Variants in DNAAF9 observed in about 807,000 individuals in gnomAD.
The protein encoded by DNAAF9 is dynein axonemal assembly factor 9.
Under a neutral mutation model 167.0 loss-of-function variants are expected in DNAAF9, and 90 were observed. The ratio of observed to expected loss-of-function variants is 0.54; its 90% CI spans 0.45 to 0.64. The LOEUF is 0.64. DNAAF9 is among the 30% of genes least tolerant of loss of function. DNAAF9 has a pLI of 0.00. For missense variants in DNAAF9, 1,315 were observed against 1,442.2 expected, an observed-to-expected ratio of 0.91 and a Z score of 1.43; for synonymous variants, 491 against 508.8, an observed-to-expected ratio of 0.96 and a Z score of 0.47.
chr20:3,286,251 G>A (rs2068851663), intron 27 of DNAAF9, among the ~76,000 whole-genome samples: 1 of 152,224 alleles, frequency 6.6e-6, no homozygotes. Context: ...TCCTGGGGCT[G>A]TGATGGGACA....
At chr20:3,281,032 A>T (rs182485926) in intron 28 of DNAAF9, among the ~76,000 whole-genome samples, 59 of 150,348 alleles carry the variant, frequency 3.9e-4, no homozygotes, top group African/African-American at 1.3e-3. Flanking sequence ...TATTAAAAAA[A>T]TTTTTTTTTT....
At chr20:3,262,700 A>C (rs116892018) in intron 31 of DNAAF9, among the ~76,000 whole-genome samples, 9,622 of 152,204 alleles carry the variant, frequency 0.063, 392 homozygotes, top group Non-Finnish European at 0.083. Context: ...TGATTACAGG[A>C]GCCTCATGAC....
rs2068179689 is a variant in DNAAF9, at chr20:3,250,489, G to A, written c.*2083C>T. 6.6e-6 allele frequency: 1 copy of A among 152,186 alleles called. No homozygotes were observed. Among genetic ancestry groups the A allele is most frequent in the Non-Finnish European group, 1.5e-5 (1 of 68,032 alleles). The allele number at this position is 152,186 out of a possible 1,614,324, so 9.4% of individuals were successfully genotyped here. A position where few individuals can be genotyped will look rare whatever the true frequency, so the allele number is the denominator to read the frequency against. On this transcript the variant is annotated 3_prime_UTR_variant, in exon 37 of 37. Coordinates refer to ENST00000252032, the MANE Select transcript of DNAAF9 (RefSeq NM_001009984.3). Reference sequence around the variant, plus strand: ...CTTTTTGGCTTTGATGCTTCTTCACGTTTTGACTTTTTTCAATCACAGTTT... The same window carrying A: ...CTTTTTGGCTTTGATGCTTCTTCACATTTTGACTTTTTTCAATCACAGTTT...
chr20:3,328,188 T>TTTTTTTTTTTTTTTTTTTG (rs1568607103), intron 12 of DNAAF9, among the ~76,000 whole-genome samples: 1 of 138,776 alleles, frequency 7.2e-6, no homozygotes, highest in Non-Finnish European at 1.6e-5. Flanking sequence ...GCTCTGTTTT[T>TTTTTTTTTTTTTTTTTTTG]TTTTTTTTTT....
chr20:3,301,946 A>G (rs2069196847), intron 21 of DNAAF9, among the ~76,000 whole-genome samples: 1 of 151,862 alleles, frequency 6.6e-6, no homozygotes, highest in Non-Finnish European at 1.5e-5. Flanking sequence ...TTATATATAT[A>G]TATGTATATA....
At chr20:3,323,884 C>T (rs991816632) in intron 14 of DNAAF9, among the ~76,000 whole-genome samples, 2 of 152,218 alleles carry the variant, frequency 1.3e-5, no homozygotes, top group African/African-American at 4.8e-5. Flanking sequence ...AGGTGGGTAG[C>T]TGAAGGAGCA....
chr20:3,332,899 T>TGGGG (rs1334362599), intron 10 of DNAAF9, among the ~76,000 whole-genome samples: 1 of 67,530 alleles, frequency 1.5e-5, no homozygotes, highest in African/African-American at 6.2e-5. Flanking sequence ...TGTGTGCGTG[T>TGGGG]GGTGTGTGTG....
chr20:3,368,283 A>T (rs1412238519), intron 6 of DNAAF9, among the ~76,000 whole-genome samples: 2 of 152,024 alleles, frequency 1.3e-5, no homozygotes, highest in Non-Finnish European at 2.9e-5. Context: ...GTGTCTGGAA[A>T]CTTTCTCAAA....
At chr20:3,265,576 G>GAA (rs1228259726) in intron 30 of DNAAF9, among the ~76,000 whole-genome samples, 352 of 33,736 alleles carry the variant, frequency 0.01, 4 homozygotes, top group Middle Eastern at 0.034. Context: ...CTCTGTCTCA[G>GAA]AAAAAAAAAA....
At chr20:3,395,080 G>C (rs1172319556) in intron 1 of DNAAF9, among the ~76,000 whole-genome samples, 1 of 142,724 alleles carries the variant, frequency 7.0e-6, no homozygotes, top group Non-Finnish European at 1.5e-5. Flanking sequence ...CCATTCTCCT[G>C]CCTCAGCCTC....
chr20:3,326,020 GCA>G (rs1421940877), intron 13 of DNAAF9, among the ~76,000 whole-genome samples, 175 bp downstream of exon 13: 1 of 152,148 alleles, frequency 6.6e-6, no homozygotes, highest in East Asian at 1.9e-4. Context: ...GACAACAGCA[GCA>G]CAGTCACAGG....
At chr20:3,353,137 G>GTA (rs559814933) in intron 7 of DNAAF9, among the ~76,000 whole-genome samples, 89 of 149,718 alleles carry the variant, frequency 5.9e-4, no homozygotes, top group African/African-American at 2.1e-3. Context: ...TAACATATGT[G>GTA]TATATATATG....
intron 30 of DNAAF9, among the ~76,000 whole-genome samples, chr20:3,268,921 T>TTTTTTTTTTTTTTTTTTTTTTA: frequency 7.8e-6 from 1 of 127,766 alleles, no homozygotes; most frequent in Non-Finnish European, 1.7e-5. Context: ...TTTTTTTTTT[T>TTTTTTTTTTTTTTTTTTTTTTA]GAGACAGAGG....
chr20:3,272,020 T>C (rs777669050), intron 29 of DNAAF9, among the ~76,000 whole-genome samples: 19 of 152,014 alleles, frequency 1.2e-4, no homozygotes, highest in Admixed American at 3.9e-4. Context: ...ACTCAGCTAA[T>C]CGTATTTCAT....
chr20:3,391,397 T>A (rs542435269), intron 1 of DNAAF9, among the ~76,000 whole-genome samples: 1 of 152,298 alleles, frequency 6.6e-6, no homozygotes, highest in African/African-American at 2.4e-5. Context: ...ACTGTTAATA[T>A]TTTGGCATAT....
chr20:3,321,317 C>A (rs940899278), intron 16 of DNAAF9, among the ~76,000 whole-genome samples: 2 of 152,186 alleles, frequency 1.3e-5, no homozygotes, highest in Admixed American at 6.5e-5. Flanking sequence ...GCCTACTATA[C>A]ACCTAGGCTA....
chr20:3,293,866 A>C (rs1225749929), intron 25 of DNAAF9, among the ~76,000 whole-genome samples: 1 of 152,104 alleles, frequency 6.6e-6, no homozygotes, highest in Non-Finnish European at 1.5e-5. Context: ...GTAGGAGTTT[A>C]AATGTTCTTG....
Position 3,298,073 on chromosome 20 carries a change from C to G in DNAAF9, c.1885G>C (p.Ala629Pro), listed in dbSNP as rs568926383. The change falls in exon 22 of 37, where the codon GCC becomes CCC. Residue 629 changes from alanine to proline, a missense_variant. By Grantham distance (27) the Ala-to-Pro change is conservative (BLOSUM62 -1). Coordinates refer to ENST00000252032, the MANE Select transcript of DNAAF9 (RefSeq NM_001009984.3). The part of the protein sequence containing the change: ...FHGSSNFLMI[A>P]LFPKSKIYQA... ...TATATCTTCGATTTGGGGAAAAGGG[C>G]AATCATCAGAAAATTGCTTGATCCA... The G allele has an allele frequency of 3.1e-6, 5 of 1,613,012 alleles. No individual in the cohort carries two copies. The highest frequency in any genetic ancestry group is 4.2e-6 in the Non-Finnish European group (5 of 1,179,012).
intron 10 of DNAAF9, among the ~76,000 whole-genome samples, chr20:3,334,053 C>T (rs2069891009): frequency 6.6e-6 from 1 of 152,198 alleles, no homozygotes; most frequent in African/African-American, 2.4e-5. Context: ...AAGACAGCTT[C>T]ATTGGATGTC....
Sources: gnomAD v4.1 joint callset for allele counts (sites outside exome capture counted in the v4.1 genomes callset) on GRCh38, gnomAD v4.1.1 for gene constraint, MANE v1.5 for transcripts, NCBI Gene and HGNC (gene_info 2026-07-23, HGNC 2026-07-21) for gene names.